CORO7: variants seen among roughly 807,000 people sequenced by gnomAD.
CORO7 encodes the protein coronin-7.
In CORO7, 107 loss-of-function variants were observed where a neutral mutation model predicts 126.6. The observed-to-expected ratio is 0.85, with a 90% CI of 0.72 to 0.99. The LOEUF is 0.99. CORO7 is among the 50% of genes least tolerant of loss of function. CORO7 has a pLI of 0.00. For synonymous variants in CORO7, 603 were observed against 536.8 expected (o/e 1.12, Z -1.70); for missense variants, 1,314 against 1,255.8 (o/e 1.05, Z -0.70).
intron 6 of CORO7, among the ~76,000 whole-genome samples, chr16:4,399,446 G>A (rs911989976): frequency 1.3e-5 from 2 of 152,198 alleles, no homozygotes; most frequent in African/African-American, 4.8e-5. Flanking sequence ...TATAGACACA[G>A]AAAATTATAG....
In CORO7 at chr16:4,356,990, C is replaced by G. The variant is rs1039348242; in HGVS notation, c.2685+178G>C. On this transcript the variant is annotated intron_variant, in intron 26 of 27. Transcript: ENST00000251166. Reference sequence around the variant, plus strand: ...GGCTCCCACTGCCCTCCCCCACTTCCCGGGCCCCATGGTCAGTGGTAGGGC... The same window carrying G: ...GGCTCCCACTGCCCTCCCCCACTTCGCGGGCCCCATGGTCAGTGGTAGGGC... 47 of 849,922 alleles carry G rather than the reference C, an allele frequency of 5.5e-5. No individual in the cohort carries two copies. The Middle Eastern group carries it at 1.1e-3, about 19-fold the overall frequency. The allele number at this position is 849,922 out of a possible 1,614,324, so 52.6% of individuals were successfully genotyped here. A position where few individuals can be genotyped will look rare whatever the true frequency, so the allele number is the denominator to read the frequency against.
At chr16:4,411,232 T>A (rs1434668119) in intron 3 of CORO7, among the ~76,000 whole-genome samples, 2 of 152,078 alleles carry the variant, frequency 1.3e-5, no homozygotes, top group Non-Finnish European at 2.9e-5. Flanking sequence ...TTACAAAAAA[T>A]TTTTAAAAAT....
In CORO7 at chr16:4,360,551, G is replaced by A. The variant is rs981811788; in HGVS notation, c.1918-3C>T. On this transcript the variant is annotated splice_polypyrimidine_tract_variant and splice_region_variant and intron_variant, in intron 19 of 27. Coordinates refer to ENST00000251166, the MANE Select transcript of CORO7 (RefSeq NM_024535.5). ...GGACTCCAGGCCAGGCTGAAGATCT[G>A]GGGGCAGGAAGGGATATGAGAGACA... 3 of 1,595,680 alleles carry A rather than the reference G, an allele frequency of 1.9e-6. No individual in the cohort carries two copies. Among genetic ancestry groups the A allele is most frequent in the South Asian group, 1.1e-5 (1 of 88,642 alleles).
chr16:4,356,950 G>A, intron 26 of CORO7: 1 of 633,562 alleles, frequency 1.6e-6, no homozygotes, highest in Non-Finnish European at 2.7e-6. Flanking sequence ...GCTGGGTTTG[G>A]CCTGGCCAGG....
chr16:4,392,168 C>G (rs1301130970), intron 7 of CORO7, among the ~76,000 whole-genome samples: 1 of 152,182 alleles, frequency 6.6e-6, no homozygotes, highest in East Asian at 1.9e-4. Flanking sequence ...GGTTCTGAGG[C>G]CTCGACACTC....
At chr16:4,387,776 G>A in intron 9 of CORO7, 1 of 616,576 alleles carries the variant, frequency 1.6e-6, no homozygotes, top group Non-Finnish European at 2.8e-6. Flanking sequence ...CCAGGGGCCA[G>A]AGGGGCACCT....
intron 9 of CORO7, among the ~76,000 whole-genome samples, chr16:4,369,471 G>C (rs1055713804): frequency 6.6e-6 from 1 of 152,214 alleles, no homozygotes; most frequent in African/African-American, 2.4e-5. Flanking sequence ...AGGTCCAGGG[G>C]TCTGTCCCAG....
At chr16:4,412,060 G>C (rs984325969) in intron 3 of CORO7, among the ~76,000 whole-genome samples, 2 of 152,024 alleles carry the variant, frequency 1.3e-5, no homozygotes, top group African/African-American at 4.8e-5. Context: ...CCAACGTGGA[G>C]TCCTCGGCAG....
At chr16:4,416,183 G>A (rs1001470648) in intron 1 of CORO7, among the ~76,000 whole-genome samples, 1 of 152,126 alleles carries the variant, frequency 6.6e-6, no homozygotes. Context: ...TAGGAGGGCT[G>A]CGCCGCCTCG....
chr16:4,413,797 C>A (rs2056304071), intron 1 of CORO7, among the ~76,000 whole-genome samples: 2 of 151,904 alleles, frequency 1.3e-5, no homozygotes, highest in Non-Finnish European at 1.5e-5. Flanking sequence ...CTTGGTCTCC[C>A]AAAGTGCTGG....
intron 9 of CORO7, among the ~76,000 whole-genome samples, chr16:4,384,485 G>A (rs780062730): frequency 1.3e-5 from 2 of 152,144 alleles, no homozygotes; most frequent in African/African-American, 4.8e-5. Context: ...ATGCTGGAGT[G>A]AGCCTCCTGC....
At chr16:4,398,464 G>A (rs1161641606) in intron 6 of CORO7, among the ~76,000 whole-genome samples, 54 of 151,984 alleles carry the variant, frequency 3.6e-4, no homozygotes, top group African/African-American at 4.8e-5. Context: ...TAAGGAGCTC[G>A]AGACGAGCCT....
intron 9 of CORO7, among the ~76,000 whole-genome samples, chr16:4,369,773 A>G (rs1596288048): frequency 6.6e-6 from 1 of 152,244 alleles, no homozygotes; most frequent in African/African-American, 2.4e-5. Flanking sequence ...CGCCAGTTCA[A>G]AGCAGGCTGG....
chr16:4,412,616 C>G (rs995785124), intron 2 of CORO7, 186 bp from the exon 3 acceptor site: 3 of 612,398 alleles, frequency 4.9e-6, no homozygotes, highest in Non-Finnish European at 8.6e-6. Flanking sequence ...CATGCATGAG[C>G]CATCCATGCC....
chr16:4,398,468 C>A (rs986526982), intron 6 of CORO7, among the ~76,000 whole-genome samples: 5 of 151,910 alleles, frequency 3.3e-5, no homozygotes, highest in African/African-American at 1.2e-4. Context: ...GAGCTCGAGA[C>A]GAGCCTGGCC....
chr16:4,392,737 C>T (rs1481081701), intron 7 of CORO7, among the ~76,000 whole-genome samples: 9 of 152,258 alleles, frequency 5.9e-5, no homozygotes. Flanking sequence ...GCCCTGGCTG[C>T]CAGCAGCGGT....
At chr16:4,385,280 C>T (rs967138079) in intron 9 of CORO7, among the ~76,000 whole-genome samples, 5 of 152,274 alleles carry the variant, frequency 3.3e-5, no homozygotes, top group Admixed American at 6.5e-5. Context: ...GGAGGGAAGA[C>T]AACATGCTCA....
chr16:4,361,755 G>C (rs1028043839), intron 16 of CORO7: 2 of 823,044 alleles, frequency 2.4e-6, no homozygotes, highest in African/African-American at 3.4e-5. Flanking sequence ...TTACACAGCT[G>C]TGTGACCCGG....
At position 4,365,043 on chromosome 16, in the gene CORO7, G is replaced by T; in HGVS notation, c.858C>A (p.Tyr286Ter). 1 of 1,603,706 alleles carries T rather than the reference G, an allele frequency of 6.2e-7. No individual in the cohort carries two copies. ...GCTGCTGCGGGACCACCTCGTAACA[G>T]TACAGCTGCCTCTCGCCCTGAAATG... ...VLAGKGERQL[Y>*]CYEVVPQQPA... is the part of the protein sequence containing the mutation. The change falls in exon 11 of 28, where the codon TAC becomes TAA. Residue 286 changes from tyrosine to a stop codon, truncating the protein, a stop_gained. Coordinates refer to ENST00000251166, the MANE Select transcript of CORO7 (RefSeq NM_024535.5). LOFTEE classifies it high-confidence loss of function.
Sources: gnomAD v4.1 joint callset for allele counts (sites outside exome capture counted in the v4.1 genomes callset) on GRCh38, gnomAD v4.1.1 for gene constraint, MANE v1.5 for transcripts, NCBI Gene and HGNC (gene_info 2026-07-23, HGNC 2026-07-21) for gene names.